Variants in NALCN observed in about 807,000 individuals in gnomAD.
NALCN encodes the protein sodium leak channel, non-selective.
Under a neutral mutation model 225.3 loss-of-function variants are expected in NALCN, and 111 were observed. The ratio of observed to expected loss-of-function variants is 0.49; its 90% confidence interval spans 0.42 to 0.58. NALCN has a LOEUF of 0.58. NALCN is among the 20% of genes least tolerant of loss of function. The probability of loss-of-function intolerance (pLI) is 0.00; values close to 1 mark genes in which losing one functional copy is unlikely to be tolerated. For missense variants in NALCN, 1,378 were observed against 2,202.4 expected (o/e 0.63, Z 7.49); for synonymous variants, 764 against 769.0 (o/e 0.99, Z 0.11).
intron 18 of NALCN, among the ~76,000 whole-genome samples, chr13:101,113,415 A>G (rs909120063): frequency 2.5e-4 from 38 of 152,322 alleles, no homozygotes; most frequent in African/African-American, 8.4e-4. Context: ...TGTACAGCCT[A>G]AGCCATTGTC....
At chr13:101,398,026 T>C (rs1369939955) in intron 2 of NALCN, among the ~76,000 whole-genome samples, 1 of 152,106 alleles carries the variant, frequency 6.6e-6, no homozygotes, top group African/African-American at 2.4e-5. Flanking sequence ...AGTAGGAGGC[T>C]GCTGATGGGG....
chr13:101,178,831 G>C (rs2039070733), intron 14 of NALCN, among the ~76,000 whole-genome samples: 1 of 152,194 alleles, frequency 6.6e-6, no homozygotes, highest in Non-Finnish European at 1.5e-5. Flanking sequence ...ATAAAAGAGG[G>C]AGGTATTTTC....
intron 7 of NALCN, among the ~76,000 whole-genome samples, chr13:101,302,376 T>C (rs994249155): frequency 6.6e-6 from 1 of 152,054 alleles, no homozygotes; most frequent in African/African-American, 2.4e-5. Flanking sequence ...AATAAAAAGA[T>C]CAACCAAGAT....
chr13:101,126,346 G>C (rs1698813390), intron 17 of NALCN, among the ~76,000 whole-genome samples: 1 of 152,106 alleles, frequency 6.6e-6, no homozygotes, highest in South Asian at 2.1e-4. Flanking sequence ...GAACTCTTAG[G>C]AGAAAAATTA....
At chr13:101,151,215 C>T (rs1314253226) in intron 15 of NALCN, among the ~76,000 whole-genome samples, 6 of 152,194 alleles carry the variant, frequency 3.9e-5, no homozygotes, top group East Asian at 1.9e-4. Context: ...CAAGAGACTT[C>T]GGGTGTAATT....
chr13:101,100,268 A>C (rs1437456071), intron 27 of NALCN, among the ~76,000 whole-genome samples: 1 of 152,188 alleles, frequency 6.6e-6, no homozygotes, highest in East Asian at 1.9e-4. Flanking sequence ...GTGACAACAA[A>C]GGAAGGATCA....
chr13:101,205,866 C>T (rs16958634), intron 13 of NALCN, among the ~76,000 whole-genome samples: 5,915 of 152,068 alleles, frequency 0.039, 372 homozygotes, highest in African/African-American at 0.14. Flanking sequence ...CAGATGTATG[C>T]CCCATTGTTA....
At chr13:101,411,820 A>AT (rs912744018) in intron 1 of NALCN, among the ~76,000 whole-genome samples, 59 of 150,034 alleles carry the variant, frequency 3.9e-4, no homozygotes, top group African/African-American at 1.2e-3. Context: ...CTTCTACCTC[A>AT]TTTTTTTTTA....
intron 42 of NALCN, chr13:101,059,419 T>C (rs2031646702): frequency 6.4e-6 from 1 of 155,328 alleles, no homozygotes; most frequent in African/African-American, 2.4e-5. Flanking sequence ...CAAATTTCTA[T>C]GACTTTAGAG....
At chr13:101,151,746 C>T (rs1164236758) in intron 15 of NALCN, among the ~76,000 whole-genome samples, 1 of 152,162 alleles carries the variant, frequency 6.6e-6, no homozygotes, top group East Asian at 1.9e-4. Context: ...GTTTCTCTTG[C>T]TAATTTGTAT....
intron 14 of NALCN, among the ~76,000 whole-genome samples, chr13:101,183,274 T>C (rs879847002): frequency 6.6e-6 from 1 of 152,222 alleles, no homozygotes; most frequent in Non-Finnish European, 1.5e-5. Context: ...GATTTACAGG[T>C]TCATATTAAA....
In NALCN at chr13:101,414,125, T is replaced by A. The variant is rs553603775; in HGVS notation, c.-40+2188A>T. ...GGTCTGGACTCTTGGGTTCAAGCAATAGGCCTGCCTTGGCCTCCCAAAGTG... is the reference window on the plus strand; with the variant it reads ...GGTCTGGACTCTTGGGTTCAAGCAAAAGGCCTGCCTTGGCCTCCCAAAGTG... On this transcript the variant is annotated intron_variant, in intron 1 of 43. Transcript: ENST00000251127. Among the ~76,000 whole-genome samples, 9 of 151,504 alleles carry A rather than the reference T, an allele frequency of 5.9e-5. No homozygotes were observed. In the East Asian group the frequency reaches 1.8e-3, roughly 30 times the overall value.
chr13:101,314,267 A>T (rs1350400162), intron 7 of NALCN, among the ~76,000 whole-genome samples: 1 of 152,032 alleles, frequency 6.6e-6, no homozygotes, highest in Non-Finnish European at 1.5e-5. Context: ...CATATGTAAC[A>T]AACCTGCACG....
At chr13:101,155,489 A>G (rs938887628) in intron 15 of NALCN, among the ~76,000 whole-genome samples, 7 of 152,116 alleles carry the variant, frequency 4.6e-5, no homozygotes, top group Non-Finnish European at 1.0e-4. Flanking sequence ...TCATGATTAG[A>G]CTGAGCTTAT....
chr13:101,165,513 AGGCCGAAATGTAAT>A (rs2038396606), intron 15 of NALCN, among the ~76,000 whole-genome samples: 1 of 152,232 alleles, frequency 6.6e-6, no homozygotes, highest in South Asian at 2.1e-4. Flanking sequence ...ACTCTTGCCC[AGGCCGAAATGTAAT>A]GGCATGATCA....
rs570850282 is a variant in NALCN, at chr13:101,295,354, G to T, written c.800-2988C>A. Among the ~76,000 whole-genome samples the T allele has an allele frequency of 2.6e-5, 4 of 152,282 alleles. No individual in the cohort carries two copies. The South Asian group carries it at 8.3e-4, about 32-fold the overall frequency. ...TGAATGAAACCAAACAGTGGCTACAGAAATCCACTATTATCTACCATTCAA... is the reference window on the plus strand; with the variant it reads ...TGAATGAAACCAAACAGTGGCTACATAAATCCACTATTATCTACCATTCAA... On this transcript the variant is annotated intron_variant, in intron 7 of 43. Transcript: ENST00000251127.
intron 7 of NALCN, among the ~76,000 whole-genome samples, chr13:101,306,062 C>T (rs143210939): frequency 1.9e-4 from 29 of 152,240 alleles, no homozygotes; most frequent in African/African-American, 6.3e-4. Flanking sequence ...CTTTGAAAGC[C>T]GGCCAGTCTG....
intron 1 of NALCN, among the ~76,000 whole-genome samples, chr13:101,411,314 C>T (rs1312364698): frequency 3.3e-5 from 5 of 150,908 alleles, no homozygotes; most frequent in Non-Finnish European, 5.9e-5. Flanking sequence ...GGCATGCTTC[C>T]GCTTCCATTT....
intron 1 of NALCN, among the ~76,000 whole-genome samples, chr13:101,400,163 A>C (rs1400833178): frequency 1.3e-5 from 2 of 152,166 alleles, no homozygotes; most frequent in African/African-American, 4.8e-5. Flanking sequence ...AAAAAACAAA[A>C]AACAAAAAAC....
Sources: gnomAD v4.1 joint callset for allele counts (sites outside exome capture counted in the v4.1 genomes callset) on GRCh38, gnomAD v4.1.1 for gene constraint, MANE v1.5 for transcripts, NCBI Gene and HGNC (gene_info 2026-07-23, HGNC 2026-07-21) for gene names.